RANBP2: variants seen among roughly 807,000 people sequenced by gnomAD.
The protein encoded by RANBP2 is RAN binding protein 2.
A neutral mutation model predicts 303.6 loss-of-function variants in RANBP2; 57 were observed. That is an observed-to-expected ratio of 0.19 (90% confidence interval 0.15 to 0.23). RANBP2 has a LOEUF of 0.23. Among genes scored for constraint, RANBP2 ranks in the 10% least tolerant of loss-of-function variants. The pLI is 1.00. For synonymous variants in RANBP2, 1,167 were observed against 1,301.5 expected (o/e 0.90, Z 2.23); for missense variants, 3,138 against 3,780.8 (o/e 0.83, Z 4.46).
chr2:109,636,277 A>T, the RANBP2 span, among the ~76,000 whole-genome samples: 7 of 152,270 alleles, frequency 4.6e-5, no homozygotes, highest in East Asian at 1.3e-3. Flanking sequence ...TAGAACTCTC[A>T]TGGTTTTTTT....
At chr2:109,064,388 G>A in the RANBP2 span, among the ~76,000 whole-genome samples, 15 of 146,190 alleles carry the variant, frequency 1.0e-4, no homozygotes, top group African/African-American at 1.8e-4. Context: ...CCCGGGAGGC[G>A]GAGTTTGCAG....
chr2:108,738,350 C>T lies in RANBP2; in HGVS notation c.782+2101C>T, dbSNP rs539417163. ...TCGGCCTCCCAAAGTGCTGGGATTA[C>T]AGGTGTGAGCCACCGCGCCCAGCTG... is the stretch of plus-strand genomic sequence containing the variant. On this transcript the variant is annotated intron_variant, in intron 6 of 28. Coordinates refer to ENST00000283195, the MANE Select transcript of RANBP2 (RefSeq NM_006267.5). Among the ~76,000 whole-genome samples, 15 of 152,220 alleles carry T rather than the reference C, an allele frequency of 9.9e-5. No individual in the cohort carries two copies. In the East Asian group the frequency reaches 2.3e-3, roughly 24 times the overall value.
At chr2:108,930,029 T>G in the RANBP2 span, 2 of 1,475,264 alleles carry the variant, frequency 1.4e-6, no homozygotes, top group South Asian at 1.3e-5. Flanking sequence ...TGGCATCCCC[T>G]CACACAGCAA....
the RANBP2 span, among the ~76,000 whole-genome samples, chr2:109,455,494 A>G: frequency 6.6e-6 from 1 of 151,294 alleles, no homozygotes; most frequent in Non-Finnish European, 1.5e-5. Flanking sequence ...GCACCCACCC[A>G]TTAAATATAT....
At chr2:108,990,009 G>C in the RANBP2 span, among the ~76,000 whole-genome samples, 2 of 152,192 alleles carry the variant, frequency 1.3e-5, no homozygotes, top group Admixed American at 1.3e-4. Flanking sequence ...GCTTAAGAAA[G>C]AAACAGTCTG....
chr2:109,097,407 AC>A, the RANBP2 span, among the ~76,000 whole-genome samples: 2 of 151,878 alleles, frequency 1.3e-5, no homozygotes, highest in Admixed American at 6.6e-5. Context: ...TAATAATAAA[AC>A]TCCAGTGTCC....
chr2:108,994,481 G>C, the RANBP2 span, among the ~76,000 whole-genome samples: 1 of 152,222 alleles, frequency 6.6e-6, no homozygotes, highest in African/African-American at 2.4e-5. Context: ...TTGTCATTTA[G>C]CTCAACAGTA....
the RANBP2 span, among the ~76,000 whole-genome samples, chr2:108,856,112 G>C: frequency 4.7e-4 from 71 of 152,274 alleles, no homozygotes; most frequent in African/African-American, 1.7e-3. Flanking sequence ...CAATGATTCT[G>C]CTTAAATTAG....
chr2:109,131,810 G>A, the RANBP2 span, among the ~76,000 whole-genome samples: 6 of 152,220 alleles, frequency 3.9e-5, no homozygotes, highest in African/African-American at 9.6e-5. Context: ...TGGGTGCATA[G>A]TCATGTTCAT....
chr2:109,476,512 G>T, the RANBP2 span, among the ~76,000 whole-genome samples: 3 of 152,216 alleles, frequency 2.0e-5, no homozygotes, highest in Non-Finnish European at 2.9e-5. Context: ...TGGACCTTCA[G>T]GTGAAGCCTG....
chr2:109,109,176 G>A, the RANBP2 span, among the ~76,000 whole-genome samples: 1 of 152,342 alleles, frequency 6.6e-6, no homozygotes, highest in South Asian at 2.1e-4. Flanking sequence ...TCTTCTGAAT[G>A]AATCAGTGAG....
At chr2:109,577,931 AAAAG>A in the RANBP2 span, among the ~76,000 whole-genome samples, 8 of 151,528 alleles carry the variant, frequency 5.3e-5, no homozygotes, top group African/African-American at 1.9e-4. Flanking sequence ...AAAAAAAAAA[AAAAG>A]AGTTAATATA....
chr2:108,899,448 G>A, the RANBP2 span, among the ~76,000 whole-genome samples: 3 of 152,134 alleles, frequency 2.0e-5, no homozygotes, highest in East Asian at 3.8e-4. Flanking sequence ...TCTATAAACA[G>A]AAAGGAAATA....
the RANBP2 span, among the ~76,000 whole-genome samples, chr2:109,643,883 G>A: frequency 2.6e-5 from 4 of 151,972 alleles, no homozygotes; most frequent in African/African-American, 4.8e-5. Flanking sequence ...AGCCCTTTGG[G>A]AGGCCTAGGC....
At chr2:109,164,230 G>A in the RANBP2 span, among the ~76,000 whole-genome samples, 1 of 151,944 alleles carries the variant, frequency 6.6e-6, no homozygotes, top group Non-Finnish European at 1.5e-5. Flanking sequence ...CCAGGCTGAA[G>A]TGCAGTAACA....
At chr2:109,299,243 G>A in the RANBP2 span, among the ~76,000 whole-genome samples, 1 of 152,194 alleles carries the variant, frequency 6.6e-6, no homozygotes, top group Non-Finnish European at 1.5e-5. Flanking sequence ...TTTCTCCAAA[G>A]GACCTCTCAC....
At chr2:109,734,896 C>T in the RANBP2 span, among the ~76,000 whole-genome samples, 1 of 152,048 alleles carries the variant, frequency 6.6e-6, no homozygotes, top group Non-Finnish European at 1.5e-5. Flanking sequence ...AATGATTGCA[C>T]ATGTTTATGG....
At chr2:109,146,221 T>G in the RANBP2 span, among the ~76,000 whole-genome samples, 1 of 152,294 alleles carries the variant, frequency 6.6e-6, no homozygotes, top group Admixed American at 6.5e-5. Context: ...TAACACTTGT[T>G]GGTCACTTAG....
chr2:109,191,037 T>C, the RANBP2 span, among the ~76,000 whole-genome samples: 1 of 152,024 alleles, frequency 6.6e-6, no homozygotes, highest in Non-Finnish European at 1.5e-5. Flanking sequence ...TATTTCAGGC[T>C]TCTTGGGCCA....
Sources: allele counts gnomAD v4.1 joint callset (sites outside exome capture counted in the v4.1 genomes callset), GRCh38; gene constraint gnomAD v4.1.1; transcripts MANE v1.5; gene names NCBI Gene and HGNC (gene_info 2026-07-23, HGNC 2026-07-21).